Variants in KLHL18 observed in about 807,000 individuals in gnomAD.
KLHL18 encodes kelch like family member 18, also known as kelch-like protein 18.
In KLHL18, 38 loss-of-function variants were observed where a neutral mutation model predicts 58.5. The observed-to-expected ratio is 0.65, with a 90% CI of 0.50 to 0.85. The LOEUF (loss-of-function observed/expected upper bound fraction) is 0.85, where lower values mean the gene tolerates loss of function less well. KLHL18 is among the 40% of genes least tolerant of loss of function. The pLI, the probability that KLHL18 is intolerant of heterozygous loss-of-function variation, is 0.00. For synonymous variants in KLHL18, 303 were observed against 301.9 expected (o/e 1.00, Z -0.04); for missense variants, 624 against 778.4 (o/e 0.80, Z 2.36).
Position 47,332,352 on chromosome 3 carries a change from C to T in KLHL18, c.601-805C>T, listed in dbSNP as rs144979992. Among the ~76,000 whole-genome samples, 1,204 of 151,214 alleles carry T rather than the reference C, an allele frequency of 8.0e-3. 5 individuals carry two copies. The highest frequency in any genetic ancestry group is 0.013 in the Non-Finnish European group (848 of 67,824). ...CCTGGGCGATGGGGCAAGACCCTAT[C>T]TCCAAAAAAAAAGAAAGAAAGAAAG... On this transcript the variant is annotated intron_variant, in intron 4 of 9. Transcript: ENST00000232766.
Position 47,334,685 on chromosome 3 carries a change from A to G in KLHL18, c.764A>G (p.Asp255Gly). 3 of 1,614,040 alleles carry G rather than the reference A, an allele frequency of 1.9e-6. No homozygotes were observed. The highest frequency in any genetic ancestry group is 2.5e-6 in the Non-Finnish European group (3 of 1,179,978). ...TAGCATCTTCCACCTTATTCTAGGGACCTGGTAGACGAAGCAAAGGACTAC... is the reference window on the plus strand; with the variant it reads ...TAGCATCTTCCACCTTATTCTAGGGGCCTGGTAGACGAAGCAAAGGACTAC... ...DLVRCCHKCR[D>G]LVDEAKDYHL... The change falls in exon 6 of 10, where the codon GAC becomes GGC. Residue 255 changes from aspartate to glycine, a missense_variant and splice_region_variant. Asp to Gly is a moderately conservative substitution (Grantham distance 94). Coordinates refer to ENST00000232766, the MANE Select transcript of KLHL18 (RefSeq NM_025010.5). This position sits in a 1 kb window ranked among gnomAD's most constrained non-coding sequence, Gnocchi z 4.7.
intron 1 of KLHL18, among the ~76,000 whole-genome samples, chr3:47,312,531 G>A (rs75462589): frequency 0.016 from 2,464 of 152,270 alleles, 60 homozygotes; most frequent in Admixed American, 0.042. Flanking sequence ...TGCCACCTTA[G>A]GAGTGGGGAA....
At chr3:47,321,019 G>A (rs1057362007) in intron 2 of KLHL18, among the ~76,000 whole-genome samples, 3 of 152,226 alleles carry the variant, frequency 2.0e-5, no homozygotes, top group African/African-American at 7.2e-5. Flanking sequence ...GTGTGTGTCT[G>A]AAGGAGGCAT....
At chr3:47,295,819 A>G (rs113296398) in intron 1 of KLHL18, among the ~76,000 whole-genome samples, 3 of 151,960 alleles carry the variant, frequency 2.0e-5, no homozygotes, top group East Asian at 1.9e-4. Context: ...GCCTCAGGCA[A>G]TCCTCCCACC....
intron 4 of KLHL18, among the ~76,000 whole-genome samples, chr3:47,331,040 A>T (rs1703846751): frequency 6.6e-6 from 1 of 150,922 alleles, no homozygotes; most frequent in South Asian, 2.1e-4. Context: ...CCTAGTATAG[A>T]TAACTTTTTG....
chr3:47,286,621 G>A (rs552336076), intron 1 of KLHL18, among the ~76,000 whole-genome samples: 2 of 152,308 alleles, frequency 1.3e-5, no homozygotes, highest in East Asian at 3.9e-4. Flanking sequence ...GCATGGATCT[G>A]AAAACTCATA....
At chr3:47,319,270 A>G (rs1271011216) in intron 1 of KLHL18, among the ~76,000 whole-genome samples, 1 of 152,224 alleles carries the variant, frequency 6.6e-6, no homozygotes, top group Non-Finnish European at 1.5e-5. Flanking sequence ...TGTCTAGTCC[A>G]TCTGCCTGAG....
In KLHL18 at chr3:47,297,189, G is replaced by C. The variant is rs193004656; in HGVS notation, c.129+14095G>C. 9.5e-4 allele frequency among the ~76,000 whole-genome samples: 145 copies of C among 152,202 alleles called. 1 individual carries two copies. Among genetic ancestry groups the C allele is most frequent in the Non-Finnish European group, 1.2e-3 (81 of 68,048 alleles). On this transcript the variant is annotated intron_variant, in intron 1 of 9. Transcript: ENST00000232766. ...GCAGAGAGACCAAAACTCCATCACA[G>C]AGTGTTCAAAGAGTGTGCTCTAAAA...
chr3:47,313,784 C>T (rs1039904398), intron 1 of KLHL18, among the ~76,000 whole-genome samples: 1 of 152,180 alleles, frequency 6.6e-6, no homozygotes, highest in Non-Finnish European at 1.5e-5. Flanking sequence ...TTAGGTCCCT[C>T]TCCAATTCCA....
At chr3:47,303,158 C>T (rs1703063660) in intron 1 of KLHL18, among the ~76,000 whole-genome samples, 1 of 152,228 alleles carries the variant, frequency 6.6e-6, no homozygotes, top group African/African-American at 2.4e-5. Flanking sequence ...CTGTTTCAGT[C>T]TTGATGGCTT....
intron 1 of KLHL18, among the ~76,000 whole-genome samples, chr3:47,294,326 C>T (rs1033323564): frequency 2.0e-5 from 3 of 152,162 alleles, no homozygotes; most frequent in African/African-American, 7.2e-5. Context: ...GCTGAGGGTG[C>T]AGCAGTGAGC....
At chr3:47,296,619 TTC>T (rs1328921735) in intron 1 of KLHL18, among the ~76,000 whole-genome samples, 1 of 152,162 alleles carries the variant, frequency 6.6e-6, no homozygotes, top group Non-Finnish European at 1.5e-5. Flanking sequence ...ATATTTACAG[TTC>T]TGAGGGTTTG....
In KLHL18 at chr3:47,345,942, G is replaced by A. The variant is rs552034965; in HGVS notation, c.*2001G>A. 1.3e-5 allele frequency: 2 copies of A among 152,660 alleles called. No individual in the cohort carries two copies. The highest frequency in any genetic ancestry group is 2.1e-4 in the South Asian group (1 of 4,826). The allele number at this position is 152,660 out of a possible 1,614,324, so 9.5% of individuals were successfully genotyped here. A position where few individuals can be genotyped will look rare whatever the true frequency, so the allele number is the denominator to read the frequency against. ...ACGTCTCAACAATCTGATATCGGAT[G>A]TCGTTTAACCTGGGCTCGTGGTAGG... is the stretch of plus-strand genomic sequence containing the variant. On this transcript the variant is annotated 3_prime_UTR_variant, in exon 10 of 10. Coordinates refer to ENST00000232766, the MANE Select transcript of KLHL18 (RefSeq NM_025010.5).
At chr3:47,316,129 G>T (rs149315052) in intron 1 of KLHL18, among the ~76,000 whole-genome samples, 4 of 152,200 alleles carry the variant, frequency 2.6e-5, no homozygotes, top group African/African-American at 9.6e-5. Flanking sequence ...AATTATCAAG[G>T]ATTAAATGGT....
chr3:47,286,437 A>C (rs1174065318), intron 1 of KLHL18, among the ~76,000 whole-genome samples: 1 of 152,168 alleles, frequency 6.6e-6, no homozygotes, highest in Non-Finnish European at 1.5e-5. Context: ...TTTTCAAGTA[A>C]ACAGACACTG....
Position 47,330,107 on chromosome 3 carries a change from G to C in KLHL18, c.558G>C (p.Glu186Asp). Reference protein sequence around the residue: ...FLALPLEDVLELVSRDELNVK... With the variant: ...FLALPLEDVLDLVSRDELNVK... ...CCCTGCCCTTGGAAGACGTGCTTGA[G>C]CTGGTGTCTCGGGATGAGCTGAATG... The change falls in exon 4 of 10, where the codon GAG (glutamate) becomes GAC (aspartate). Residue 186 changes from glutamate (E) to aspartate (D), a missense_variant. Glu to Asp is a conservative substitution (Grantham distance 45). Coordinates refer to ENST00000232766, the MANE Select transcript of KLHL18 (RefSeq NM_025010.5). 6.2e-7 allele frequency: 1 copy of C among 1,614,178 alleles called. No individual in the cohort carries two copies. The highest frequency in any genetic ancestry group is 8.5e-7 in the Non-Finnish European group (1 of 1,180,040).
intron 7 of KLHL18, chr3:47,338,846 A>G (rs1224894656): frequency 6.6e-6 from 1 of 152,240 alleles, no homozygotes; most frequent in Non-Finnish European, 1.5e-5. Flanking sequence ...GGTAGCATTA[A>G]GCCTGGTATG....
intron 3 of KLHL18, 91 bp from the exon 4 acceptor site, chr3:47,329,860 A>C: frequency 1.8e-6 from 2 of 1,084,586 alleles, no homozygotes; most frequent in Non-Finnish European, 2.7e-6. Flanking sequence ...ATTTGTTTTC[A>C]TTCTGTGGCT....
intron 1 of KLHL18, among the ~76,000 whole-genome samples, chr3:47,285,640 G>A (rs1191483563): frequency 3.3e-5 from 5 of 152,168 alleles, no homozygotes; most frequent in Non-Finnish European, 5.9e-5. Flanking sequence ...GCGTGGCAGC[G>A]TGGGATGGTC....
Sources: allele counts gnomAD v4.1 joint callset (sites outside exome capture counted in the v4.1 genomes callset), GRCh38; gene constraint gnomAD v4.1.1; non-coding constraint Gnocchi (gnomAD v3.1); transcripts MANE v1.5; gene names NCBI Gene and HGNC (gene_info 2026-07-23, HGNC 2026-07-21).